The following HSPA12A variants were observed in gnomAD, a reference collection of about 807,000 sequenced individuals.
HSPA12A encodes heat shock protein family A (Hsp70) member 12A.
Under a neutral mutation model 69.2 loss-of-function variants are expected in HSPA12A, and 28 were observed. That is an observed-to-expected ratio of 0.40 (90% CI 0.30 to 0.55). The LOEUF is 0.55. HSPA12A is among the 20% of genes least tolerant of loss of function. HSPA12A has a pLI of 0.38. For synonymous variants in HSPA12A, 345 were observed against 370.5 expected, an observed-to-expected ratio of 0.93 and a Z score of 0.79; for missense variants, 686 against 900.7, an observed-to-expected ratio of 0.76 and a Z score of 3.05.
At chr10:116,803,714 T>A (rs923335270) in intron 2 of HSPA12A, among the ~76,000 whole-genome samples, 1 of 152,196 alleles carries the variant, frequency 6.6e-6, no homozygotes, top group Non-Finnish European at 1.5e-5. Context: ...ATGAGGCACA[T>A]CTTTGTGCAA....
At chr10:116,679,826 G>A in intron 9 of HSPA12A, 65 bp from the exon 10 acceptor site, 2 of 1,558,742 alleles carry the variant, frequency 1.3e-6, no homozygotes, top group East Asian at 2.2e-5. Context: ...TCCAGACTCT[G>A]AGAAACAGGC....
chr10:116,809,124 A>G (rs1052099360), intron 2 of HSPA12A, among the ~76,000 whole-genome samples: 2 of 152,108 alleles, frequency 1.3e-5, no homozygotes, highest in African/African-American at 4.8e-5. Context: ...AGGCACATCA[A>G]AGGGCTTAAG....
At chr10:116,753,846 G>C (rs1214904823) in intron 2 of HSPA12A, among the ~76,000 whole-genome samples, 2 of 152,180 alleles carry the variant, frequency 1.3e-5, no homozygotes, top group African/African-American at 4.8e-5. Flanking sequence ...CTCCAGGATA[G>C]AGAAAGGAGC....
At chr10:116,742,056 C>G (rs1481561842) in intron 1 of HSPA12A, among the ~76,000 whole-genome samples, 1 of 152,164 alleles carries the variant, frequency 6.6e-6, no homozygotes, top group Non-Finnish European at 1.5e-5. Context: ...CCAGCCAGCG[C>G]CGGCCTCCGC....
chr10:116,835,948 G>C (rs1845701537), intron 1 of HSPA12A, among the ~76,000 whole-genome samples: 1 of 152,136 alleles, frequency 6.6e-6, no homozygotes, highest in African/African-American at 2.4e-5. Context: ...GAAAGAGAGT[G>C]AAAATGCTGG....
At chr10:116,827,106 C>T (rs2133204794) in intron 2 of HSPA12A, among the ~76,000 whole-genome samples, 1 of 152,344 alleles carries the variant, frequency 6.6e-6, no homozygotes, top group South Asian at 2.1e-4. Flanking sequence ...CCCACACACA[C>T]TGGGGAAAAA....
chr10:116,836,677 A>G (rs1208015093), intron 1 of HSPA12A, among the ~76,000 whole-genome samples: 5 of 152,028 alleles, frequency 3.3e-5, no homozygotes, highest in Non-Finnish European at 7.4e-5. Context: ...GGAGTTACAA[A>G]TTTTTGGTGT....
chr10:116,763,727 G>C (rs966819565), intron 2 of HSPA12A, among the ~76,000 whole-genome samples: 13 of 152,190 alleles, frequency 8.5e-5, no homozygotes, highest in African/African-American at 3.1e-4. Flanking sequence ...TCTGGACTAG[G>C]AGGTTTTTTT....
At chr10:116,713,620 C>T (rs1850515665) in intron 1 of HSPA12A, among the ~76,000 whole-genome samples, 1 of 152,092 alleles carries the variant, frequency 6.6e-6, no homozygotes. Context: ...ACAGGAAAAG[C>T]CCCGAGTCCC....
chr10:116,762,900 G>A (rs190772391), intron 2 of HSPA12A, among the ~76,000 whole-genome samples: 1 of 152,266 alleles, frequency 6.6e-6, no homozygotes, highest in East Asian at 1.9e-4. Flanking sequence ...TCAAAATTCA[G>A]TAGGGCATCC....
chr10:116,784,271 CA>C (rs1844528196), intron 2 of HSPA12A, among the ~76,000 whole-genome samples: 1 of 152,228 alleles, frequency 6.6e-6, no homozygotes, highest in African/African-American at 2.4e-5. Flanking sequence ...TGGGGTGATG[CA>C]TGTCTCTCCA....
At chr10:116,798,790 C>A (rs569648275) in intron 2 of HSPA12A, among the ~76,000 whole-genome samples, 50 of 152,302 alleles carry the variant, frequency 3.3e-4, no homozygotes, top group African/African-American at 1.2e-3. Context: ...AATCCACTCC[C>A]AAATTGGCCC....
intron 2 of HSPA12A, among the ~76,000 whole-genome samples, chr10:116,798,040 A>T (rs1333809434): frequency 8.1e-6 from 1 of 123,674 alleles, no homozygotes; most frequent in Non-Finnish European, 1.7e-5. Flanking sequence ...CTCTTACAAG[A>T]ACTATTTCTG....
chr10:116,822,621 C>T (rs1054612537), intron 2 of HSPA12A, among the ~76,000 whole-genome samples: 9 of 152,152 alleles, frequency 5.9e-5, no homozygotes, highest in East Asian at 3.9e-4. Context: ...TGGTTGGATA[C>T]GGTTCTTCAG....
intron 2 of HSPA12A, chr10:116,831,296 A>C (rs1845608936): frequency 6.6e-6 from 1 of 152,202 alleles, no homozygotes; most frequent in Non-Finnish European, 1.5e-5. Context: ...GTGTCAGGAG[A>C]AGCTTTGTGG....
At chr10:116,816,767 A>G (rs1225721921) in intron 2 of HSPA12A, among the ~76,000 whole-genome samples, 1 of 152,166 alleles carries the variant, frequency 6.6e-6, no homozygotes, top group Non-Finnish European at 1.5e-5. Context: ...GAGGGTTAAA[A>G]TTGCCTGGAG....
At chr10:116,796,473 C>G (rs193299614) in intron 2 of HSPA12A, among the ~76,000 whole-genome samples, 1 of 152,234 alleles carries the variant, frequency 6.6e-6, no homozygotes, top group East Asian at 1.9e-4. Context: ...CTCTGGGTCT[C>G]TGGACCCCAC....
At chr10:116,772,860 GATT>G (rs369040070) in intron 2 of HSPA12A, among the ~76,000 whole-genome samples, 3 of 151,180 alleles carry the variant, frequency 2.0e-5, no homozygotes, top group Non-Finnish European at 2.9e-5. Context: ...ACATCTGGCT[GATT>G]ATTATTATTA....
chr10:116,724,620 T>C (rs1345901591), intron 1 of HSPA12A, among the ~76,000 whole-genome samples: 1 of 152,220 alleles, frequency 6.6e-6, no homozygotes, highest in Non-Finnish European at 1.5e-5. Context: ...TCCTCCTTTC[T>C]TGCTTTGGAT....
Sources: gnomAD v4.1 joint callset for allele counts (sites outside exome capture counted in the v4.1 genomes callset) on GRCh38, gnomAD v4.1.1 for gene constraint, MANE v1.5 for transcripts, NCBI Gene and HGNC (gene_info 2026-07-23, HGNC 2026-07-21) for gene names.